Variants in CDKL4 observed in about 807,000 individuals in gnomAD.
CDKL4 encodes the protein cyclin dependent kinase like 4, also known as cyclin-dependent kinase-like 4.
In CDKL4, 44 loss-of-function variants were observed where a neutral mutation model predicts 42.0. The observed-to-expected ratio is 1.05, with a 90% CI of 0.82 to 1.35. The LOEUF (loss-of-function observed/expected upper bound fraction) is 1.35, where lower values mean the gene tolerates loss of function less well. CDKL4 is among the 40% of genes most tolerant of loss of function. CDKL4 has a pLI of 0.00. For synonymous variants in CDKL4, 120 were observed against 121.6 expected (o/e 0.99, Z 0.09); for missense variants, 393 against 369.9 (o/e 1.06, Z -0.51).
intron 6 of CDKL4, 71 bp from the exon 7 acceptor site, chr2:39,187,780 C>A (rs1218104079): frequency 1.0e-6 from 1 of 1,002,688 alleles, no homozygotes; most frequent in Non-Finnish European, 1.5e-6. Context: ...ATGGTTAATG[C>A]CTGAAGGCCA....
upstream of CDKL4, among the ~76,000 whole-genome samples, chr2:39,245,514 G>A (rs1302856774): frequency 2.6e-5 from 4 of 152,220 alleles, no homozygotes; most frequent in African/African-American, 9.6e-5. Context: ...ACCAATTCCG[G>A]ACATACTTCC....
At chr2:39,204,951 G>T (rs1194040997) in intron 4 of CDKL4, among the ~76,000 whole-genome samples, 1 of 151,826 alleles carries the variant, frequency 6.6e-6, no homozygotes, top group East Asian at 1.9e-4. Flanking sequence ...GGCCGAGGCG[G>T]GAGGATAACT....
In CDKL4 at chr2:39,216,444, A is replaced by G. The variant is rs142277015; in HGVS notation, c.291-2972T>C. Among the ~76,000 whole-genome samples, 1,222 of 152,352 alleles carry G rather than the reference A, an allele frequency of 8.0e-3. 10 individuals carry two copies. The highest frequency in any genetic ancestry group is 0.013 in the Non-Finnish European group (883 of 68,032). ...GAGGGCCTCGGAGATCTAGATCTCA[A>G]TAAGAAATTTGGATTTTATGCTAAA... On this transcript the variant is annotated intron_variant, in intron 3 of 9. Transcript: ENST00000451199.
chr2:39,202,834 C>A (rs1676936766), intron 5 of CDKL4, among the ~76,000 whole-genome samples: 1 of 152,204 alleles, frequency 6.6e-6, no homozygotes, highest in Non-Finnish European at 1.5e-5. Context: ...CTTTGCCTTT[C>A]TCATTATAAA....
At chr2:39,171,985 T>G (rs996533574), downstream of CDKL4, among the ~76,000 whole-genome samples, 34 of 151,466 alleles carry the variant, frequency 2.2e-4, 1 homozygote, top group Non-Finnish European at 8.8e-5. Flanking sequence ...CTATGAAGAG[T>G]CTGGGACAAG....
At chr2:39,174,371 G>C (rs181044189), downstream of CDKL4, among the ~76,000 whole-genome samples, 50 of 150,354 alleles carry the variant, frequency 3.3e-4, no homozygotes, top group African/African-American at 1.2e-3. Flanking sequence ...CTGCACTCCA[G>C]CCTGGGTGAC....
At chr2:39,220,449 A>T (rs1678234577) in intron 3 of CDKL4, among the ~76,000 whole-genome samples, 1 of 152,188 alleles carries the variant, frequency 6.6e-6, no homozygotes, top group Admixed American at 6.5e-5. Flanking sequence ...TAGCAAAAAG[A>T]ACTACAACAT....
intron 4 of CDKL4, among the ~76,000 whole-genome samples, chr2:39,204,949 C>T (rs1253193067): frequency 4.0e-5 from 6 of 150,084 alleles, no homozygotes; most frequent in Admixed American, 6.6e-5. Context: ...GAGGCCGAGG[C>T]GGGAGGATAA....
intron 4 of CDKL4, among the ~76,000 whole-genome samples, chr2:39,209,701 T>C (rs969695234): frequency 8.5e-5 from 13 of 152,178 alleles, no homozygotes; most frequent in African/African-American, 3.1e-4. Flanking sequence ...ATCTCGACTC[T>C]GGAGATGATA....
intron 4 of CDKL4, among the ~76,000 whole-genome samples, chr2:39,206,449 A>C (rs76712161): frequency 0.025 from 3,791 of 152,318 alleles, 55 homozygotes; most frequent in African/African-American, 0.028. Flanking sequence ...TGAATGAAAC[A>C]GATGCTCCTC....
At chr2:39,175,434 G>C (rs1159781508), downstream of CDKL4, among the ~76,000 whole-genome samples, 1 of 152,186 alleles carries the variant, frequency 6.6e-6, no homozygotes, top group African/African-American at 2.4e-5. Context: ...TGCCTCATGA[G>C]ACAGACAAAG....
chr2:39,187,835 C>T (rs1239808876), intron 6 of CDKL4, 126 bp from the exon 7 acceptor site: 13 of 620,194 alleles, frequency 2.1e-5, no homozygotes, highest in African/African-American at 7.5e-5. Context: ...TGAGAGGCTA[C>T]GGCAGGTGGA....
chr2:39,169,960 T>C, the CDKL4 span, among the ~76,000 whole-genome samples: 1 of 152,080 alleles, frequency 6.6e-6, no homozygotes, highest in Non-Finnish European at 1.5e-5. Context: ...AGCCTTGACC[T>C]CCTGGGCTCA....
chr2:39,224,105 C>T (rs371494245), intron 3 of CDKL4, among the ~76,000 whole-genome samples: 1 of 152,168 alleles, frequency 6.6e-6, no homozygotes, highest in South Asian at 2.1e-4. Context: ...CATAGGTAGA[C>T]ATAAAATTTA....
intron 7 of CDKL4, 73 bp from the exon 8 acceptor site, chr2:39,184,720 G>T: frequency 1.1e-6 from 1 of 940,946 alleles, no homozygotes; most frequent in Non-Finnish European, 1.7e-6. Context: ...ATGTGCGTAT[G>T]TATGTGTGTG....
intron 4 of CDKL4, among the ~76,000 whole-genome samples, chr2:39,209,319 A>AG (rs1677435042): frequency 6.7e-6 from 1 of 149,704 alleles, no homozygotes; most frequent in African/African-American, 2.5e-5. Context: ...CTCAGGAAGA[A>AG]AAAAAAAAAA....
intron 6 of CDKL4, among the ~76,000 whole-genome samples, chr2:39,189,161 G>C (rs1375361975): frequency 6.6e-6 from 1 of 152,216 alleles, no homozygotes; most frequent in Non-Finnish European, 1.5e-5. Flanking sequence ...GAACTGTCCA[G>C]CAGCCATGCT....
chr2:39,212,895 A>G (rs1363796357), intron 4 of CDKL4, among the ~76,000 whole-genome samples: 1 of 150,982 alleles, frequency 6.6e-6, no homozygotes, highest in Non-Finnish European at 1.5e-5. Context: ...TCCTGAGCTC[A>G]AAGCCATCTG....
intron 3 of CDKL4, among the ~76,000 whole-genome samples, chr2:39,222,763 A>G (rs1359573416): frequency 6.6e-6 from 1 of 152,122 alleles, no homozygotes; most frequent in Non-Finnish European, 1.5e-5. Context: ...GTATGCATTG[A>G]ATGTTTTATA....
Sources: gnomAD v4.1 joint callset for allele counts (sites outside exome capture counted in the v4.1 genomes callset) on GRCh38, gnomAD v4.1.1 for gene constraint, MANE v1.5 for transcripts, NCBI Gene and HGNC (gene_info 2026-07-23, HGNC 2026-07-21) for gene names.